Variants in CCDC73 observed in about 807,000 individuals in gnomAD.
The protein encoded by CCDC73 is coiled-coil domain-containing protein 73.
Under a neutral mutation model 116.5 loss-of-function variants are expected in CCDC73, and 95 were observed. The observed-to-expected ratio is 0.82, with a 90% CI of 0.69 to 0.97. The LOEUF is 0.97. Among genes scored for constraint, CCDC73 ranks in the 50% least tolerant of loss-of-function variants. The probability of loss-of-function intolerance (pLI) is 0.00; values close to 1 mark genes in which losing one functional copy is unlikely to be tolerated. For missense variants in CCDC73, 1,066 were observed against 1,206.8 expected, an observed-to-expected ratio of 0.88 and a Z score of 1.73; for synonymous variants, 398 against 401.3, an observed-to-expected ratio of 0.99 and a Z score of 0.10.
intron 1 of CCDC73, among the ~76,000 whole-genome samples, chr11:32,772,567 G>C (rs1850500480): frequency 1.3e-5 from 2 of 152,102 alleles, no homozygotes; most frequent in South Asian, 4.1e-4. Flanking sequence ...GAACATACTT[G>C]TCCTTGTTTA....
chr11:32,793,618 TTTTA>T (rs538695467), intron 1 of CCDC73, among the ~76,000 whole-genome samples: 1,886 of 96,468 alleles, frequency 0.02, 146 homozygotes, highest in Admixed American at 0.17. Context: ...TTTTATTTTA[TTTTA>T]TTTTTTTAGA....
chr11:32,754,951 G>T (rs999538907), intron 2 of CCDC73, among the ~76,000 whole-genome samples: 2 of 132,592 alleles, frequency 1.5e-5, no homozygotes, highest in Admixed American at 1.8e-4. Context: ...ACAATGGCAC[G>T]ATCTTGGCTC....
At chr11:32,829,634 CGAGGGCGCTCT>C in the CCDC73 span, 1 of 460,098 alleles carries the variant, frequency 2.2e-6, no homozygotes, top group Non-Finnish European at 2.9e-6. Flanking sequence ...CTGGACGCGC[CGAGGGCGCTCT>C]GCTTAAGACT....
intron 2 of CCDC73, among the ~76,000 whole-genome samples, chr11:32,754,843 G>A (rs1385292380): frequency 6.7e-6 from 1 of 150,104 alleles, no homozygotes; most frequent in East Asian, 1.9e-4. Context: ...CAATTAGCTG[G>A]ACCAGTTTCC....
chr11:32,779,228 A>G (rs1565099914), intron 1 of CCDC73, among the ~76,000 whole-genome samples: 1 of 141,308 alleles, frequency 7.1e-6, no homozygotes, highest in Non-Finnish European at 1.5e-5. Context: ...TACAAATACT[A>G]TGTTATCATT....
intron 4 of CCDC73, among the ~76,000 whole-genome samples, chr11:32,701,246 G>C (rs12286067): frequency 0.012 from 1,818 of 152,136 alleles, 36 homozygotes; most frequent in African/African-American, 0.041. Flanking sequence ...TTAAATATCT[G>C]AATATTTTGC....
At chr11:32,705,268 G>C (rs969409531) in intron 3 of CCDC73, among the ~76,000 whole-genome samples, 6 of 152,200 alleles carry the variant, frequency 3.9e-5, no homozygotes, top group African/African-American at 1.4e-4. Flanking sequence ...AGAAGAGCTG[G>C]AGCCCTTCTG....
At chr11:32,692,049 CAAAAAAAA>C (rs1173539877) in intron 6 of CCDC73, among the ~76,000 whole-genome samples, 1 of 60,754 alleles carries the variant, frequency 1.6e-5, no homozygotes, top group African/African-American at 5.3e-5. Flanking sequence ...CTCCGTCTCA[CAAAAAAAA>C]AAAAAAAAAA....
intron 15 of CCDC73, 167 bp downstream of exon 15, chr11:32,615,773 T>C (rs1327023389): frequency 1.7e-6 from 1 of 599,590 alleles, no homozygotes; most frequent in Non-Finnish European, 2.7e-6. Flanking sequence ...AGAAGGTTAC[T>C]GGTGACTCCA....
chr11:32,695,327 C>A (rs943024751), intron 6 of CCDC73, among the ~76,000 whole-genome samples: 4 of 150,528 alleles, frequency 2.7e-5, no homozygotes, highest in Non-Finnish European at 5.9e-5. Flanking sequence ...CGAGATCGCG[C>A]CACTGCACTC....
At chr11:32,821,505 G>A in the CCDC73 span, among the ~76,000 whole-genome samples, 1 of 151,890 alleles carries the variant, frequency 6.6e-6, no homozygotes, top group South Asian at 2.1e-4. Flanking sequence ...GTCTTACAAA[G>A]GCACAAATTG....
At chr11:32,603,050 A>AAAT (rs1453432124) in intron 17 of CCDC73, 30 bp from the exon 18 acceptor site, 1 of 1,520,116 alleles carries the variant, frequency 6.6e-7, no homozygotes, top group Non-Finnish European at 9.0e-7. Context: ...TTTACCTTCG[A>AAAT]AATTATTATA....
At position 32,777,099 on chromosome 11, in the gene CCDC73, CT is replaced by C. The variant is rs759122829; in HGVS notation, c.-15-16842del. On this transcript the variant is annotated intron_variant, in intron 1 of 17. Transcript: ENST00000335185. ...TCTGTATGTAATCTTTTTTTTCTTT[CT>C]TTTTTTTTTTTTTTTTGAGACGGAG... is the stretch of plus-strand genomic sequence containing the variant. Among the ~76,000 whole-genome samples, 584 of 106,792 alleles carry C rather than the reference CT, an allele frequency of 5.5e-3. 5 individuals are homozygous for C. The highest frequency in any genetic ancestry group is 0.019 in the African/African-American group (544 of 28,982). The allele number at this position is 106,792 out of a possible 152,430, so 70.1% of individuals were successfully genotyped here. A position where few individuals can be genotyped will look rare whatever the true frequency, so the allele number is the denominator to read the frequency against.
chr11:32,609,058 A>T (rs920654392), intron 17 of CCDC73, among the ~76,000 whole-genome samples: 1 of 152,048 alleles, frequency 6.6e-6, no homozygotes, highest in Non-Finnish European at 1.5e-5. Flanking sequence ...TGCCGTGAAG[A>T]CCTCTGACTT....
At chr11:32,661,750 T>G (rs1009325690) in intron 9 of CCDC73, among the ~76,000 whole-genome samples, 2 of 151,604 alleles carry the variant, frequency 1.3e-5, no homozygotes, top group African/African-American at 4.8e-5. Flanking sequence ...CTGTTACATA[T>G]GTATACATGT....
At chr11:32,743,145 T>C (rs1850204262) in intron 2 of CCDC73, among the ~76,000 whole-genome samples, 1 of 152,230 alleles carries the variant, frequency 6.6e-6, no homozygotes, top group Non-Finnish European at 1.5e-5. Context: ...GCGGGCTCTT[T>C]TTTGGTTCCA....
Position 32,614,082 on chromosome 11 carries a change from T to A in CCDC73, c.2236A>T (p.Lys746Ter). Residue 746 changes from lysine to a stop codon, truncating the protein, a stop_gained, in exon 16 of 18, where the codon AAA becomes TAA. Transcript: ENST00000335185. LOFTEE classifies it high-confidence loss of function. ...TCACTCATATTTTTACACATAGTTTTTCCCCCAGGGCTTGAGTTAGGTTTC... is the reference window on the plus strand; with the variant it reads ...TCACTCATATTTTTACACATAGTTTATCCCCCAGGGCTTGAGTTAGGTTTC... ...LVKPNSSPGG[K>*]TMCKNMSDMQ... 6.2e-7 allele frequency: 1 copy of A among 1,613,462 alleles called. No individual in the cohort carries two copies. Among genetic ancestry groups the A allele is most frequent in the Non-Finnish European group, 8.5e-7 (1 of 1,179,908 alleles).
intron 9 of CCDC73, among the ~76,000 whole-genome samples, chr11:32,661,157 G>A (rs1449116863): frequency 3.9e-5 from 6 of 152,180 alleles, no homozygotes; most frequent in Admixed American, 1.3e-4. Context: ...ATACCTTCAA[G>A]GTGGTGACAT....
the CCDC73 span, chr11:32,829,950 C>A: frequency 1.0e-6 from 1 of 985,598 alleles, no homozygotes; most frequent in Non-Finnish European, 1.2e-6. Context: ...CTCCCCGGAC[C>A]GAGGCAGGAC....
Sources: gnomAD v4.1 joint callset for allele counts (sites outside exome capture counted in the v4.1 genomes callset) on GRCh38, gnomAD v4.1.1 for gene constraint, MANE v1.5 for transcripts, NCBI Gene and HGNC (gene_info 2026-07-23, HGNC 2026-07-21) for gene names.